DLGAP2: variants seen among roughly 807,000 people sequenced by gnomAD.
DLGAP2 encodes the protein DLG associated protein 2.
Under a neutral mutation model 100.3 loss-of-function variants are expected in DLGAP2, and 26 were observed. That is an observed-to-expected ratio of 0.26 (90% CI 0.19 to 0.36). The LOEUF (loss-of-function observed/expected upper bound fraction) is 0.36, where lower values mean the gene tolerates loss of function less well. Among genes scored for constraint, DLGAP2 ranks in the 10% least tolerant of loss-of-function variants. The pLI, the probability that DLGAP2 is intolerant of heterozygous loss-of-function variation, is 1.00. For missense variants in DLGAP2, 1,858 were observed against 1,453.2 expected, an observed-to-expected ratio of 1.28 and a Z score of -4.53; for synonymous variants, 886 against 630.1, an observed-to-expected ratio of 1.41 and a Z score of -6.08.
intron 8 of DLGAP2, among the ~76,000 whole-genome samples, chr8:1,639,986 A>G (rs1402026167): frequency 6.6e-6 from 1 of 152,176 alleles, no homozygotes; most frequent in African/African-American, 2.4e-5. Flanking sequence ...ATAAAGTACC[A>G]TGGTCACAGG....
intron 1 of DLGAP2, among the ~76,000 whole-genome samples, chr8:834,249 C>T (rs529998863): frequency 6.7e-4 from 102 of 152,342 alleles, no homozygotes; most frequent in African/African-American, 2.3e-3. Flanking sequence ...TGACCCCATA[C>T]GCCCCTGCCC....
intron 2 of DLGAP2, among the ~76,000 whole-genome samples, chr8:1,257,236 C>T (rs952782587): frequency 6.6e-6 from 1 of 152,194 alleles, no homozygotes; most frequent in Non-Finnish European, 1.5e-5. Context: ...CTGCCACACA[C>T]ACGGCTCCCA....
chr8:893,373 G>A (rs1040574898), intron 1 of DLGAP2, among the ~76,000 whole-genome samples: 10 of 152,222 alleles, frequency 6.6e-5, no homozygotes, highest in Admixed American at 4.6e-4. Context: ...TGACCAATTC[G>A]ATGAGGCTGC....
intron 4 of DLGAP2, 93 bp downstream of exon 4, chr8:1,501,524 A>C: frequency 8.2e-7 from 1 of 1,216,118 alleles, no homozygotes; most frequent in Non-Finnish European, 1.1e-6. Context: ...TCCCACAAAC[A>C]CACGTTAGCA....
intron 2 of DLGAP2, among the ~76,000 whole-genome samples, chr8:1,251,986 CTG>C (rs1799051283): frequency 1.3e-5 from 2 of 152,004 alleles, no homozygotes; most frequent in South Asian, 4.2e-4. Flanking sequence ...ACTTGTCACA[CTG>C]TGGTGTTGTC....
chr8:1,343,871 A>T (rs1353281140), intron 3 of DLGAP2, among the ~76,000 whole-genome samples: 2 of 151,868 alleles, frequency 1.3e-5, no homozygotes, highest in Non-Finnish European at 2.9e-5. Flanking sequence ...GAGTAGGGGG[A>T]GCTCAGCCCT....
At chr8:1,387,573 C>A (rs1217160430) in intron 3 of DLGAP2, among the ~76,000 whole-genome samples, 87 of 152,210 alleles carry the variant, frequency 5.7e-4, no homozygotes, top group Non-Finnish European at 1.8e-4. Flanking sequence ...AACTGCACCA[C>A]TGGACGTGGC....
intron 1 of DLGAP2, among the ~76,000 whole-genome samples, chr8:816,021 G>A (rs1796469902): frequency 6.6e-6 from 1 of 152,110 alleles, no homozygotes; most frequent in Admixed American, 6.6e-5. Context: ...TGATATAAGA[G>A]TAGTTACTCC....
chr8:903,702 C>T (rs1798312585), intron 1 of DLGAP2, among the ~76,000 whole-genome samples: 1 of 152,126 alleles, frequency 6.6e-6, no homozygotes, highest in African/African-American at 2.4e-5. Context: ...GCCCGCACCC[C>T]GGTGATGTTA....
At chr8:1,197,940 C>T (rs1036257403) in intron 2 of DLGAP2, among the ~76,000 whole-genome samples, 2 of 152,190 alleles carry the variant, frequency 1.3e-5, no homozygotes, top group South Asian at 2.1e-4. Context: ...AACTGGCCCA[C>T]ATGTGCATCT....
chr8:961,997 A>AT (rs1289249447), intron 2 of DLGAP2, among the ~76,000 whole-genome samples: 3 of 152,202 alleles, frequency 2.0e-5, no homozygotes, highest in African/African-American at 7.2e-5. Flanking sequence ...ATCCACACAG[A>AT]GATTTGATTG....
chr8:1,076,222 C>G (rs1448385145), intron 2 of DLGAP2, among the ~76,000 whole-genome samples: 2 of 152,186 alleles, frequency 1.3e-5, no homozygotes, highest in Non-Finnish European at 2.9e-5. Flanking sequence ...CCTGTGCCAC[C>G]CGCCTTCCTG....
chr8:1,350,708 G>C (rs370294078), intron 3 of DLGAP2, among the ~76,000 whole-genome samples: 549 of 34,228 alleles, frequency 0.016, 1 homozygote, highest in East Asian at 0.14. Flanking sequence ...CGGGTCCTGA[G>C]TGTGCGTGGA....
At chr8:1,063,159 A>G (rs1040248115) in intron 2 of DLGAP2, among the ~76,000 whole-genome samples, 6 of 152,218 alleles carry the variant, frequency 3.9e-5, no homozygotes, top group African/African-American at 9.6e-5. Flanking sequence ...AAGAGGGAAG[A>G]TGTTTGACTG....
rs186461109 is a variant in DLGAP2, at chr8:1,243,176, A to C, written c.74-15675A>C. The stretch of plus-strand genomic sequence containing the variant: ...GGCAGGGCGTGCTCATGGAGCTCAC[A>C]TTAAGTGGACACACCAGGGGAGTGA... On this transcript the variant is annotated intron_variant, in intron 2 of 14. Transcript: ENST00000637795. Among the ~76,000 whole-genome samples the C allele has an allele frequency of 3.0e-3, 451 of 152,288 alleles. 4 individuals are homozygous for C. Among genetic ancestry groups the C allele is most frequent in the African/African-American group, 0.01 (426 of 41,568 alleles).
chr8:1,313,118 C>A (rs902932239), intron 3 of DLGAP2, among the ~76,000 whole-genome samples: 1 of 152,216 alleles, frequency 6.6e-6, no homozygotes, highest in Non-Finnish European at 1.5e-5. Context: ...GATGTTGCCC[C>A]TTTGGGGGGT....
At chr8:1,232,545 G>A (rs1055835845) in intron 2 of DLGAP2, among the ~76,000 whole-genome samples, 1 of 152,236 alleles carries the variant, frequency 6.6e-6, no homozygotes, top group South Asian at 2.1e-4. Flanking sequence ...GAGGCTCAAT[G>A]TGGTGATGGG....
intron 2 of DLGAP2, among the ~76,000 whole-genome samples, chr8:949,910 T>C (rs1279692813): frequency 1.3e-5 from 2 of 152,306 alleles, no homozygotes; most frequent in East Asian, 1.9e-4. Context: ...GTTGATTTTC[T>C]GCTAACAGGA....
intron 2 of DLGAP2, among the ~76,000 whole-genome samples, chr8:1,082,573 G>A (rs1803847803): frequency 6.6e-6 from 1 of 152,190 alleles, no homozygotes; most frequent in East Asian, 1.9e-4. Flanking sequence ...CATTTGGTGT[G>A]AGCAGGGCTG....
Sources: allele counts gnomAD v4.1 joint callset (sites outside exome capture counted in the v4.1 genomes callset), GRCh38; gene constraint gnomAD v4.1.1; transcripts MANE v1.5; gene names NCBI Gene and HGNC (gene_info 2026-07-23, HGNC 2026-07-21).